Variants in CCDC138 observed in about 807,000 individuals in gnomAD.
CCDC138 encodes the protein coiled-coil domain-containing protein 138.
In CCDC138, 66 loss-of-function variants were observed where a neutral mutation model predicts 82.3. That is an observed-to-expected ratio of 0.80 (90% CI 0.66 to 0.98). CCDC138 has a LOEUF of 0.98. CCDC138 is among the 50% of genes least tolerant of loss of function. The probability of loss-of-function intolerance (pLI) is 0.00; values close to 1 mark genes in which losing one functional copy is unlikely to be tolerated. For missense variants in CCDC138, 816 were observed against 758.9 expected (o/e 1.08, Z -0.88); for synonymous variants, 297 against 265.4 (o/e 1.12, Z -1.16).
intron 10 of CCDC138, among the ~76,000 whole-genome samples, chr2:108,817,166 G>A (rs1212810161): frequency 1.3e-5 from 2 of 152,192 alleles, no homozygotes; most frequent in African/African-American, 2.4e-5. Context: ...TTATGTGGGT[G>A]GTCCTGGTAA....
intron 11 of CCDC138, among the ~76,000 whole-genome samples, chr2:108,844,283 A>T (rs1690074338): frequency 6.6e-6 from 1 of 151,826 alleles, no homozygotes; most frequent in South Asian, 2.1e-4. Context: ...GGTTGTTTGC[A>T]GTTGTTCAGG....
At chr2:108,841,122 C>G (rs1015066819) in intron 11 of CCDC138, among the ~76,000 whole-genome samples, 2 of 152,124 alleles carry the variant, frequency 1.3e-5, no homozygotes, top group Non-Finnish European at 2.9e-5. Context: ...AGGTGTGAGC[C>G]ACCGTGTCTG....
Position 108,876,314 on chromosome 2 carries a change from A to G in CCDC138, c.*61A>G, listed in dbSNP as rs1696018929. The G allele has an allele frequency of 3.3e-6, 3 of 921,076 alleles. No homozygotes were observed. Among genetic ancestry groups the G allele is most frequent in the Admixed American group, 2.5e-5 (1 of 39,478 alleles). 57.1% of individuals were successfully genotyped at this position (921,076 alleles called of 1,614,324 possible). A position where few individuals can be genotyped will look rare whatever the true frequency, so the allele number is the denominator to read the frequency against. On this transcript the variant is annotated 3_prime_UTR_variant, in exon 15 of 15. Coordinates refer to ENST00000295124, the MANE Select transcript of CCDC138 (RefSeq NM_144978.3). ...TATTTATAAACATGTAGAAATTACC[A>G]AAGTAACTACAATTCTACCAAGTAA...
intron 12 of CCDC138, among the ~76,000 whole-genome samples, chr2:108,849,194 A>T (rs1026157167): frequency 1.3e-5 from 2 of 152,214 alleles, no homozygotes; most frequent in African/African-American, 4.8e-5. Flanking sequence ...AAAAAAATCT[A>T]CAAAAAAGAA....
chr2:108,856,719 G>A (rs1051779736), intron 12 of CCDC138, 75 bp from the exon 13 acceptor site: 9 of 1,369,790 alleles, frequency 6.6e-6, no homozygotes, highest in African/African-American at 4.5e-5. Flanking sequence ...TAACGACATT[G>A]CTTTTTTACC....
At chr2:108,814,445 C>A (rs928350499) in intron 9 of CCDC138, among the ~76,000 whole-genome samples, 1 of 151,738 alleles carries the variant, frequency 6.6e-6, no homozygotes, top group African/African-American at 2.4e-5. Context: ...TGAAGATAAT[C>A]GAAGTTTTCA....
chr2:108,847,462 A>G (rs1690687108), intron 12 of CCDC138, among the ~76,000 whole-genome samples: 1 of 152,204 alleles, frequency 6.6e-6, no homozygotes, highest in African/African-American at 2.4e-5. Context: ...TGCTTGCACT[A>G]GCTTGTAAGT....
intron 10 of CCDC138, among the ~76,000 whole-genome samples, chr2:108,819,578 G>C (rs1050437276): frequency 6.6e-6 from 1 of 152,188 alleles, no homozygotes; most frequent in Non-Finnish European, 1.5e-5. Context: ...ACAGCGATAA[G>C]TTGCTAGGGA....
chr2:108,863,313 A>G (rs1050528832), intron 13 of CCDC138, among the ~76,000 whole-genome samples: 9 of 152,252 alleles, frequency 5.9e-5, no homozygotes, highest in African/African-American at 2.2e-4. Flanking sequence ...TCTCAGTTAC[A>G]AGCTTTCACA....
chr2:108,794,576 G>A lies in CCDC138; in HGVS notation c.431G>A (p.Arg144Gln), dbSNP rs778719186. The A allele has an allele frequency of 1.4e-5, 22 of 1,613,418 alleles. No homozygotes were observed. In the South Asian group the frequency reaches 2.0e-4, roughly 15 times the overall value. Residue 144 changes from arginine (R) to glutamine (Q), a missense_variant, in exon 5 of 15, where the codon CGG becomes CAG. Arg to Gln is a conservative substitution (Grantham distance 43). Transcript: ENST00000295124. ...ACTAATACGACCTCATCGAGACCTCGGACTGAGTGTTGTAGTGATGCAGGT... is the reference window on the plus strand; with the variant it reads ...ACTAATACGACCTCATCGAGACCTCAGACTGAGTGTTGTAGTGATGCAGGT... ...LPTNTTSSRP[R>Q]TECCSDAGDS...
intron 2 of CCDC138, among the ~76,000 whole-genome samples, chr2:108,788,310 C>T (rs1424791643): frequency 1.3e-5 from 2 of 151,976 alleles, no homozygotes; most frequent in African/African-American, 4.8e-5. Flanking sequence ...ATCCCAACTG[C>T]TGGGAAGGCT....
At chr2:108,857,365 G>A (rs11688034) in intron 13 of CCDC138, among the ~76,000 whole-genome samples, 107,952 of 151,922 alleles carry the variant, frequency 0.71, 41,482 homozygotes, top group East Asian at 0.9. Context: ...CACTGCGCCC[G>A]GACTATTGCA....
chr2:108,870,120 A>T (rs942175927), intron 13 of CCDC138, among the ~76,000 whole-genome samples: 4 of 152,340 alleles, frequency 2.6e-5, no homozygotes, highest in Admixed American at 2.6e-4. Context: ...GAAATAATGA[A>T]ATCAGGGAAA....
intron 7 of CCDC138, among the ~76,000 whole-genome samples, chr2:108,811,465 T>A (rs993087539): frequency 6.6e-6 from 1 of 151,918 alleles, no homozygotes; most frequent in Non-Finnish European, 1.5e-5. Flanking sequence ...AGGCTGGTCT[T>A]GAACTGGGCT....
At chr2:108,803,835 C>G (rs1053182821) in intron 6 of CCDC138, among the ~76,000 whole-genome samples, 2 of 152,122 alleles carry the variant, frequency 1.3e-5, no homozygotes, top group Non-Finnish European at 2.9e-5. Flanking sequence ...GTGTATTGAG[C>G]TTATCCTGCT....
At chr2:108,861,700 C>T (rs976287772) in intron 13 of CCDC138, among the ~76,000 whole-genome samples, 1 of 152,044 alleles carries the variant, frequency 6.6e-6, no homozygotes, top group Non-Finnish European at 1.5e-5. Flanking sequence ...AGACTGGTCT[C>T]GAACTCCTGA....
rs1402194901 is a variant in CCDC138, at chr2:108,843,427, G to C, written c.1324-3311G>C. ...CCTGCCGTGGCCTCCCAAAGTGCTG[G>C]GATTACAGGCATAAGCCACCGCACC... is the stretch of plus-strand genomic sequence containing the variant. On this transcript the variant is annotated intron_variant, in intron 11 of 14. Transcript: ENST00000295124. Among the ~76,000 whole-genome samples the C allele has an allele frequency of 2.0e-5, 3 of 152,264 alleles. No individual in the cohort carries two copies. The East Asian group carries it at 5.8e-4, about 29-fold the overall frequency.
intron 13 of CCDC138, among the ~76,000 whole-genome samples, chr2:108,867,825 A>G (rs1461022074): frequency 1.3e-5 from 2 of 152,228 alleles, no homozygotes; most frequent in Non-Finnish European, 2.9e-5. Flanking sequence ...TTGAGTCATC[A>G]GAACTGGAAT....
intron 12 of CCDC138, among the ~76,000 whole-genome samples, chr2:108,853,806 ACCAGCCATCC>A (rs1691944107): frequency 1.4e-5 from 2 of 141,436 alleles, no homozygotes; most frequent in Admixed American, 1.5e-4. Flanking sequence ...AGTTACAGGC[ACCAGCCATCC>A]CCAGCCAACT....
Sources: gnomAD v4.1 joint callset for allele counts (sites outside exome capture counted in the v4.1 genomes callset) on GRCh38, gnomAD v4.1.1 for gene constraint, MANE v1.5 for transcripts, NCBI Gene and HGNC (gene_info 2026-07-23, HGNC 2026-07-21) for gene names.